CDYL: variants seen among roughly 807,000 people sequenced by gnomAD.
CDYL encodes chromodomain Y like.
A neutral mutation model predicts 47.3 loss-of-function variants in CDYL; 8 were observed. The observed-to-expected ratio is 0.17, with a 90% CI of 0.10 to 0.31. The LOEUF (loss-of-function observed/expected upper bound fraction) is 0.31, where lower values mean the gene tolerates loss of function less well. Among genes scored for constraint, CDYL ranks in the 10% least tolerant of loss-of-function variants. CDYL has a pLI of 1.00. For missense variants in CDYL, 471 were observed against 701.4 expected, an observed-to-expected ratio of 0.67 and a Z score of 3.71; for synonymous variants, 266 against 265.0, an observed-to-expected ratio of 1.00 and a Z score of -0.04.
At chr6:4,849,898 A>C (rs1028533611) in intron 1 of CDYL, among the ~76,000 whole-genome samples, 1 of 145,410 alleles carries the variant, frequency 6.9e-6, no homozygotes, top group Admixed American at 6.8e-5. Flanking sequence ...GCTCAGGAGA[A>C]AACAGGAGGC....
intron 3 of CDYL, among the ~76,000 whole-genome samples, chr6:4,761,450 T>G (rs1758173892): frequency 6.6e-6 from 1 of 152,138 alleles, no homozygotes; most frequent in South Asian, 2.1e-4. Context: ...TTCAATCTAT[T>G]CTCCTGCCTC....
intron 1 of CDYL, among the ~76,000 whole-genome samples, chr6:4,839,823 C>G (rs1047077279): frequency 6.6e-6 from 1 of 152,082 alleles, no homozygotes; most frequent in African/African-American, 2.4e-5. Flanking sequence ...TGACTATGGC[C>G]TGGTAGTATA....
intron 2 of CDYL, among the ~76,000 whole-genome samples, chr6:4,929,270 T>C (rs1452582679): frequency 6.6e-6 from 1 of 152,178 alleles, no homozygotes; most frequent in Non-Finnish European, 1.5e-5. Flanking sequence ...CCATTCCATT[T>C]TCTTCTGTCT....
At chr6:4,715,762 G>GC (rs778781285) in exon 2 of CDYL, 38 of 1,613,666 alleles carry the variant, frequency 2.4e-5, no homozygotes, top group Non-Finnish European at 3.1e-5. Context: ...AGAACACAGA[G>GC]CCCCCGGAAG....
intron 2 of CDYL, among the ~76,000 whole-genome samples, chr6:4,896,095 T>C (rs951211780): frequency 4.6e-5 from 7 of 152,224 alleles, no homozygotes; most frequent in Non-Finnish European, 8.8e-5. Context: ...CTGCTGAGAA[T>C]ATAATCACTA....
intron 3 of CDYL, among the ~76,000 whole-genome samples, chr6:4,757,641 A>G (rs1167385391): frequency 1.3e-5 from 2 of 152,262 alleles, no homozygotes; most frequent in African/African-American, 4.8e-5. Flanking sequence ...AATATGCCTC[A>G]TTATTTAAGT....
chr6:4,717,703 C>CAAAAAAAAAAAAAAAA (rs200835710), intron 2 of CDYL, among the ~76,000 whole-genome samples: 1 of 49,348 alleles, frequency 2.0e-5, no homozygotes, highest in African/African-American at 9.3e-5. Context: ...AAGACCCTCA[C>CAAAAAAAAAAAAAAAA]AAAAAAAAAA....
chr6:4,852,445 TTCCA>T (rs1760867126), intron 1 of CDYL, among the ~76,000 whole-genome samples: 1 of 129,180 alleles, frequency 7.7e-6, no homozygotes, highest in Admixed American at 7.5e-5. Context: ...CCTTCCTTCC[TTCCA>T]ATCTTCCTTC....
At chr6:4,716,513 T>C (rs1266842719) in intron 2 of CDYL, among the ~76,000 whole-genome samples, 3 of 152,060 alleles carry the variant, frequency 2.0e-5, no homozygotes, top group African/African-American at 7.2e-5. Flanking sequence ...GTTGGCTTCC[T>C]TTCCTTTTCC....
intron 3 of CDYL, among the ~76,000 whole-genome samples, chr6:4,738,051 A>G (rs1757734672): frequency 6.6e-6 from 1 of 152,244 alleles, no homozygotes; most frequent in Non-Finnish European, 1.5e-5. Flanking sequence ...GAAAAAAATG[A>G]GTAAATGATA....
intron 2 of CDYL, among the ~76,000 whole-genome samples, chr6:4,723,613 C>T (rs1757417498): frequency 6.6e-6 from 1 of 152,132 alleles, no homozygotes; most frequent in African/African-American, 2.4e-5. Context: ...CCTCCTCCAC[C>T]CTACAGACTA....
At chr6:4,775,937 A>G (rs1758427142), upstream of CDYL, among the ~76,000 whole-genome samples, 4 of 149,288 alleles carry the variant, frequency 2.7e-5, no homozygotes, top group Admixed American at 2.7e-4. The surrounding 1 kb of genome is among the most constrained non-coding windows in gnomAD (Gnocchi z 7.0). Context: ...TGGGCTCCAG[A>G]CGCGGGCCGG....
chr6:4,776,134 G>C (rs1011655074), upstream of CDYL, among the ~76,000 whole-genome samples: 117 of 148,498 alleles, frequency 7.9e-4, 2 homozygotes, highest in Admixed American at 6.1e-3. Flanking sequence ...CGGGACTGGG[G>C]AAGTCGGAGC....
chr6:4,818,775 A>C (rs1213233746), intron 1 of CDYL, among the ~76,000 whole-genome samples: 1 of 152,234 alleles, frequency 6.6e-6, no homozygotes. Flanking sequence ...CTCTGACCAC[A>C]ATTGCTTAGC....
In CDYL at chr6:4,887,725, A is replaced by G. The variant is rs868775228; in HGVS notation, c.25-3988A>G. On this transcript the variant is annotated intron_variant, in intron 1 of 6. Transcript: ENST00000397588. Reference sequence around the variant, plus strand: ...CAAAACTAGCTAGAACTCCAATACAATGTTGAATAGAAGTGGCAAGAACAA... The same window carrying G: ...CAAAACTAGCTAGAACTCCAATACAGTGTTGAATAGAAGTGGCAAGAACAA... 2.6e-5 allele frequency among the ~76,000 whole-genome samples: 4 copies of G among 152,222 alleles called. No homozygotes were observed. The East Asian group carries it at 7.7e-4, about 29-fold the overall frequency.
At chr6:4,906,792 C>T (rs1005781963) in intron 2 of CDYL, among the ~76,000 whole-genome samples, 1 of 151,704 alleles carries the variant, frequency 6.6e-6, no homozygotes, top group Non-Finnish European at 1.5e-5. Flanking sequence ...GGTTTGGTTT[C>T]GTTTTATCTG....
At chr6:4,726,302 C>T (rs1441339344) in intron 2 of CDYL, among the ~76,000 whole-genome samples, 2 of 151,940 alleles carry the variant, frequency 1.3e-5, no homozygotes, top group Non-Finnish European at 2.9e-5. Flanking sequence ...TTTGGGAGGC[C>T]GAGGTGGGCG....
intron 1 of CDYL, among the ~76,000 whole-genome samples, chr6:4,711,755 C>T (rs2127406564): frequency 6.6e-6 from 1 of 152,230 alleles, no homozygotes; most frequent in South Asian, 2.1e-4. Flanking sequence ...GAGGGCAGAC[C>T]ACCAAGCGAG....
At chr6:4,917,676 G>T (rs1478224472) in intron 2 of CDYL, among the ~76,000 whole-genome samples, 2 of 152,182 alleles carry the variant, frequency 1.3e-5, no homozygotes, top group Non-Finnish European at 2.9e-5. Flanking sequence ...GATAGAAATG[G>T]CAGCACTGAG....
Sources: gnomAD v4.1 joint callset for allele counts (sites outside exome capture counted in the v4.1 genomes callset) on GRCh38, gnomAD v4.1.1 for gene constraint, Gnocchi (gnomAD v3.1) non-coding constraint, MANE v1.5 for transcripts, NCBI Gene and HGNC (gene_info 2026-07-23, HGNC 2026-07-21) for gene names.